Variants in MARCHF5 observed in about 807,000 individuals in gnomAD.
MARCHF5 encodes E3 ubiquitin-protein ligase MARCHF5.
MARCHF5 carries 5 observed loss-of-function variants against 36.5 expected under a neutral mutation model. The observed-to-expected ratio is 0.14, with a 90% CI of 0.07 to 0.29. The LOEUF is 0.29. Ranked by LOEUF, MARCHF5 falls within the 10% of genes least tolerant of loss-of-function variation. The pLI is 1.00. For missense variants in MARCHF5, 179 were observed against 336.3 expected, an observed-to-expected ratio of 0.53 and a Z score of 3.66; for synonymous variants, 103 against 109.9, an observed-to-expected ratio of 0.94 and a Z score of 0.39.
intron 2 of MARCHF5, among the ~76,000 whole-genome samples, chr10:92,319,860 A>G (rs1322917746): frequency 6.9e-6 from 1 of 144,536 alleles, no homozygotes; most frequent in African/African-American, 2.6e-5. Flanking sequence ...CACCATGTTG[A>G]TCAGGCTGGT....
intron 3 of MARCHF5, among the ~76,000 whole-genome samples, chr10:92,344,834 A>G (rs966282663): frequency 1.3e-5 from 2 of 152,182 alleles, no homozygotes; most frequent in Non-Finnish European, 2.9e-5. Flanking sequence ...AAGACAACAC[A>G]ATAATTTTTT....
chr10:92,325,314 GC>G (rs1843343089), intron 2 of MARCHF5, among the ~76,000 whole-genome samples: 3 of 152,186 alleles, frequency 2.0e-5, no homozygotes, highest in Admixed American at 2.0e-4. Flanking sequence ...CTGCACTCCA[GC>G]CTGGGCAACA....
At chr10:92,306,414 G>A (rs747781991) in intron 1 of MARCHF5, among the ~76,000 whole-genome samples, 2 of 152,110 alleles carry the variant, frequency 1.3e-5, no homozygotes, top group African/African-American at 4.8e-5. Context: ...CCACACACAC[G>A]GCTAATGTTG....
At chr10:92,297,751 A>G (rs1424369569) in intron 1 of MARCHF5, among the ~76,000 whole-genome samples, 2 of 151,918 alleles carry the variant, frequency 1.3e-5, no homozygotes, top group South Asian at 2.1e-4. Context: ...CGGCCTCCCA[A>G]AGTGCTGGGA....
chr10:92,327,295 C>G (rs1590659845), intron 2 of MARCHF5, among the ~76,000 whole-genome samples: 1 of 145,692 alleles, frequency 6.9e-6, no homozygotes. Flanking sequence ...ATTTTGTATT[C>G]ATATATGAAG....
chr10:92,307,182 T>C (rs1843084276), intron 1 of MARCHF5, among the ~76,000 whole-genome samples: 1 of 75,978 alleles, frequency 1.3e-5, no homozygotes, highest in African/African-American at 3.8e-5. Flanking sequence ...CATCTGTGTG[T>C]GTGTGTGTGT....
At position 92,291,439 on chromosome 10, in the gene MARCHF5, G is replaced by A; in HGVS notation, c.-56G>A. The A allele has an allele frequency of 6.9e-7, 1 of 1,449,014 alleles. No individual in the cohort carries two copies. The highest frequency in any genetic ancestry group is 9.5e-7 in the Non-Finnish European group (1 of 1,055,256). The allele number at this position is 1,449,014 out of a possible 1,614,324, so 89.8% of individuals were successfully genotyped here. A position where few individuals can be genotyped will look rare whatever the true frequency, so the allele number is the denominator to read the frequency against. The stretch of plus-strand genomic sequence containing the variant: ...CCGCCTCTCAGTGCTATTGTCCCTG[G>A]GCCTGGCCTTGAGCGGGTCCACTGG... On this transcript the variant is annotated 5_prime_UTR_variant, in exon 1 of 6. Transcript: ENST00000358935.
At chr10:92,306,344 A>G (rs1195049509) in intron 1 of MARCHF5, among the ~76,000 whole-genome samples, 1 of 152,216 alleles carries the variant, frequency 6.6e-6, no homozygotes, top group Non-Finnish European at 1.5e-5. Context: ...AGTCTGGAAG[A>G]TAGGCTACAG....
chr10:92,310,094 T>G (rs1211496852), intron 1 of MARCHF5, among the ~76,000 whole-genome samples: 1 of 152,242 alleles, frequency 6.6e-6, no homozygotes, highest in Non-Finnish European at 1.5e-5. Context: ...AAATTCATGT[T>G]GTTCCACAAG....
chr10:92,342,139 C>A (rs759872130), intron 3 of MARCHF5, among the ~76,000 whole-genome samples: 1 of 148,322 alleles, frequency 6.7e-6, no homozygotes, highest in Non-Finnish European at 1.5e-5. Flanking sequence ...CTTCACCCCC[C>A]TCAATACTCC....
At chr10:92,340,834 C>T (rs1368297116) in intron 3 of MARCHF5, 31 bp downstream of exon 3, 1 of 1,536,384 alleles carries the variant, frequency 6.5e-7, no homozygotes. Context: ...AGTGATATTA[C>T]TTGGTGTGAA....
At chr10:92,291,829 C>A (rs985778219) in intron 1 of MARCHF5, among the ~76,000 whole-genome samples, 2 of 147,708 alleles carry the variant, frequency 1.4e-5, no homozygotes, top group Non-Finnish European at 2.9e-5. Context: ...TTACCCTCTT[C>A]CCCTCCCCCT....
intron 2 of MARCHF5, chr10:92,333,549 G>A: frequency 3.3e-6 from 2 of 612,766 alleles, no homozygotes; most frequent in Non-Finnish European, 4.1e-6. Flanking sequence ...GACATGGACA[G>A]ACATAAAGGA....
intron 2 of MARCHF5, among the ~76,000 whole-genome samples, chr10:92,314,809 G>C (rs1843190683): frequency 7.0e-6 from 1 of 143,220 alleles, no homozygotes; most frequent in Non-Finnish European, 1.5e-5. Context: ...TCAAACTCCT[G>C]GGCTCAAGCA....
At chr10:92,345,837 T>G (rs1402447560) in intron 3 of MARCHF5, among the ~76,000 whole-genome samples, 1 of 151,618 alleles carries the variant, frequency 6.6e-6, no homozygotes, top group Non-Finnish European at 1.5e-5. Context: ...TGGGACTACA[T>G]ACACATGCCA....
intron 2 of MARCHF5, among the ~76,000 whole-genome samples, chr10:92,313,696 T>C (rs1843173990): frequency 6.6e-6 from 1 of 151,954 alleles, no homozygotes; most frequent in Non-Finnish European, 1.5e-5. Flanking sequence ...GAGACCAGCC[T>C]GGGCAACAGG....
intron 1 of MARCHF5, among the ~76,000 whole-genome samples, chr10:92,299,129 A>AT (rs913815630): frequency 7.2e-5 from 11 of 151,832 alleles, no homozygotes; most frequent in East Asian, 3.9e-4. Context: ...GCCTATTTAC[A>AT]TTTTTTTGCT....
intron 2 of MARCHF5, among the ~76,000 whole-genome samples, chr10:92,315,663 A>G (rs980419369): frequency 6.6e-6 from 1 of 152,170 alleles, no homozygotes; most frequent in Admixed American, 6.5e-5. Flanking sequence ...ATAAAATCAT[A>G]CTATTATCAT....
intron 3 of MARCHF5, among the ~76,000 whole-genome samples, chr10:92,342,553 C>A (rs1843592813): frequency 6.6e-6 from 1 of 152,138 alleles, no homozygotes; most frequent in African/African-American, 2.4e-5. Flanking sequence ...CAGTCTTTAC[C>A]ACCTGACTTC....
Sources: allele counts gnomAD v4.1 joint callset (sites outside exome capture counted in the v4.1 genomes callset), GRCh38; gene constraint gnomAD v4.1.1; transcripts MANE v1.5; gene names NCBI Gene and HGNC (gene_info 2026-07-23, HGNC 2026-07-21).